SOHLH2: variants seen among roughly 807,000 people sequenced by gnomAD.
SOHLH2 encodes spermatogenesis- and oogenesis-specific basic helix-loop-helix-containing protein 2.
Under a neutral mutation model 50.4 loss-of-function variants are expected in SOHLH2, and 22 were observed. That is an observed-to-expected ratio of 0.44 (90% CI 0.31 to 0.62). The LOEUF is 0.62. Among genes scored for constraint, SOHLH2 ranks in the 20% least tolerant of loss-of-function variants. The pLI is 0.08. For synonymous variants in SOHLH2, 185 were observed against 187.3 expected, an observed-to-expected ratio of 0.99 and a Z score of 0.10; for missense variants, 412 against 504.4, an observed-to-expected ratio of 0.82 and a Z score of 1.76.
intron 1 of SOHLH2, among the ~76,000 whole-genome samples, chr13:36,205,381 T>C (rs755270654): frequency 6.6e-6 from 1 of 152,186 alleles, no homozygotes; most frequent in South Asian, 2.1e-4. Context: ...TACTACTAAA[T>C]ATGATACTTA....
intron 2 of SOHLH2, among the ~76,000 whole-genome samples, chr13:36,197,012 T>C (rs764504357): frequency 1.3e-5 from 2 of 152,222 alleles, no homozygotes; most frequent in Non-Finnish European, 1.5e-5. Context: ...TTCTCTTTTT[T>C]TGTGAATGAA....
intron 1 of SOHLH2, among the ~76,000 whole-genome samples, chr13:36,207,610 A>G (rs1338211713): frequency 6.6e-6 from 1 of 152,218 alleles, no homozygotes; most frequent in Non-Finnish European, 1.5e-5. Flanking sequence ...ACTATTAGCT[A>G]AACTACAGAC....
chr13:36,183,577 G>T (rs1197556894), intron 6 of SOHLH2, among the ~76,000 whole-genome samples: 4 of 151,982 alleles, frequency 2.6e-5, no homozygotes, highest in South Asian at 2.1e-4. Context: ...AACACAAATA[G>T]AAAAATTGTG....
In SOHLH2 at chr13:36,170,590, G is replaced by C; in HGVS notation, c.1198C>G (p.Leu400Val). 1.2e-6 allele frequency: 2 copies of C among 1,614,208 alleles called. No homozygotes were observed. Among genetic ancestry groups the C allele is most frequent in the Non-Finnish European group, 1.7e-6 (2 of 1,180,018 alleles). The change falls in exon 10 of 11, where the codon CTC becomes GTC. Residue 400 changes from leucine (L) to valine (V), a missense_variant. Physicochemically the swap from Leu to Val is conservative, Grantham distance 32. Coordinates refer to ENST00000379881, the MANE Select transcript of SOHLH2 (RefSeq NM_017826.3). Reference sequence around the variant, plus strand: ...AACCCAGAAGTGCAGTGCCGAGGGAGAAGCTTTGAGACCGGGGGCATGGCT... The same window carrying C: ...AACCCAGAAGTGCAGTGCCGAGGGACAAGCTTTGAGACCGGGGGCATGGCT... ...PSAMPPVSKLLPRHCTSGLGQ... is the reference protein window; with the variant it reads ...PSAMPPVSKLVPRHCTSGLGQ...
At chr13:36,186,669 G>A (rs923956841) in intron 6 of SOHLH2, among the ~76,000 whole-genome samples, 1 of 152,066 alleles carries the variant, frequency 6.6e-6, no homozygotes, top group African/African-American at 2.4e-5. Context: ...ATCATTTGGA[G>A]AATACACACT....
At chr13:36,184,796 G>C (rs9546627) in intron 6 of SOHLH2, among the ~76,000 whole-genome samples, 10 of 152,156 alleles carry the variant, frequency 6.6e-5, no homozygotes, top group Non-Finnish European at 1.5e-4. Flanking sequence ...TACATGTGCA[G>C]AACGTGTAGG....
chr13:36,201,996 G>A lies in SOHLH2; in HGVS notation c.146C>T (p.Thr49Ile). 1 of 1,614,204 alleles carries A rather than the reference G, an allele frequency of 6.2e-7. No homozygotes were observed. The highest frequency in any genetic ancestry group is 8.5e-7 in the Non-Finnish European group (1 of 1,180,042). The change falls in exon 2 of 11, where the codon ACC becomes ATC. Residue 49 changes from threonine to isoleucine, a missense_variant. Physicochemically the swap from Thr to Ile is moderately conservative, Grantham distance 89. Transcript: ENST00000379881. ...TGCTGCCTCCTTCGTGTCACTGATG[G>A]TGATGGTGACTTCTGCTATGTTTGC... Reference protein sequence around the residue: ...LFANIAEVTITISDTKEAAAL... With the variant: ...LFANIAEVTIIISDTKEAAAL...
chr13:36,168,792 C>G lies in SOHLH2; in HGVS notation c.*242G>C. The stretch of plus-strand genomic sequence containing the variant: ...ACTGAGGCCATTTGTTCTTGTAGCT[C>G]TCTGGCTGGCGGGGATCCAAGTGTG... On this transcript the variant is annotated 3_prime_UTR_variant, in exon 11 of 11. Coordinates refer to ENST00000379881, the MANE Select transcript of SOHLH2 (RefSeq NM_017826.3). 2.0e-6 allele frequency: 1 copy of G among 492,754 alleles called. No homozygotes were observed. The allele number at this position is 492,754 out of a possible 1,614,324, so 30.5% of individuals were successfully genotyped here.
At chr13:36,169,731 T>C (rs1886910979) in intron 10 of SOHLH2, among the ~76,000 whole-genome samples, 1 of 152,232 alleles carries the variant, frequency 6.6e-6, no homozygotes, top group Admixed American at 6.5e-5. Context: ...GACTGTTTCA[T>C]ATGCTGACCC....
chr13:36,179,358 T>C (rs1042755778), intron 6 of SOHLH2, among the ~76,000 whole-genome samples: 6 of 152,206 alleles, frequency 3.9e-5, no homozygotes, highest in African/African-American at 1.2e-4. Context: ...TTTTCAGAAT[T>C]TGTTAATCAC....
intron 10 of SOHLH2, among the ~76,000 whole-genome samples, chr13:36,170,047 T>C (rs572514924): frequency 1.3e-5 from 2 of 152,312 alleles, no homozygotes; most frequent in East Asian, 3.9e-4. Flanking sequence ...TAATGGGTGC[T>C]CAGTAAATAT....
intron 1 of SOHLH2, among the ~76,000 whole-genome samples, chr13:36,211,381 A>G (rs900806727): frequency 6.6e-6 from 1 of 152,152 alleles, no homozygotes; most frequent in Non-Finnish European, 1.5e-5. Context: ...CTCCATAGAT[A>G]TTTATTGAGC....
chr13:36,182,119 G>C lies in SOHLH2; in HGVS notation c.642-7250C>G, dbSNP rs1021866564. 4 of 985,252 alleles carry C rather than the reference G, an allele frequency of 4.1e-6. No individual in the cohort carries two copies. In the African/African-American group the frequency reaches 5.2e-5, roughly 13 times the overall value. 61.0% of individuals were successfully genotyped at this position (985,252 alleles called of 1,614,324 possible). ...TTTCTACTACAGAGGCAAGAAAAAA[G>C]TGTCCTTGTACTTTATGTCCCTTTG... On this transcript the variant is annotated intron_variant, in intron 6 of 10. Transcript: ENST00000379881.
intron 4 of SOHLH2, among the ~76,000 whole-genome samples, chr13:36,192,682 T>C (rs1236686446): frequency 1.3e-5 from 2 of 152,212 alleles, no homozygotes; most frequent in African/African-American, 4.8e-5. Context: ...ATTTAAGGTG[T>C]ACAACTTGAG....
intron 2 of SOHLH2, among the ~76,000 whole-genome samples, chr13:36,201,110 C>T (rs1003894274): frequency 9.8e-5 from 14 of 143,570 alleles, no homozygotes; most frequent in East Asian, 2.0e-4. Flanking sequence ...AACTGCAAGA[C>T]GAAACAAGAA....
rs1489784506 is a variant in SOHLH2, at chr13:36,174,512, A to G, written c.845T>C (p.Ile282Thr). 6.2e-7 allele frequency: 1 copy of G among 1,614,200 alleles called. No homozygotes were observed. The highest frequency in any genetic ancestry group is 1.7e-5 in the Admixed American group (1 of 60,016). The change falls in exon 8 of 11, where the codon ATT becomes ACT. Residue 282 changes from isoleucine (I) to threonine (T), a missense_variant. Transcript: ENST00000379881. The part of the protein sequence containing the change: ...MRFCKKQQTP[I>T]ELSLPGTVMA... ...GACAGTGCCTGGGAGAGACAGCTCAATGGGTGTTTGTTGTTTCTTACAAAA... is the reference window on the plus strand; with the variant it reads ...GACAGTGCCTGGGAGAGACAGCTCAGTGGGTGTTTGTTGTTTCTTACAAAA...
Position 36,191,814 on chromosome 13 carries a change from G to A in SOHLH2, c.511C>T (p.Pro171Ser), listed in dbSNP as rs1477306063. ...ACTAACCAGGCAAATAGATCAGTAG[G>A]AAAATATCCCAGGTGTTCGCTGTAG... ...RSYSEHLGYFPTDLFACSESL... is the reference protein window; with the variant it reads ...RSYSEHLGYFSTDLFACSESL... Residue 171 changes from proline to serine, a missense_variant, in exon 5 of 11, where the codon CCT (proline) becomes TCT (serine). Pro to Ser is a moderately conservative substitution (Grantham distance 74). Coordinates refer to ENST00000379881, the MANE Select transcript of SOHLH2 (RefSeq NM_017826.3). The A allele has an allele frequency of 1.2e-6, 2 of 1,613,876 alleles. No individual in the cohort carries two copies. Among genetic ancestry groups the A allele is most frequent in the Non-Finnish European group, 1.7e-6 (2 of 1,179,822 alleles).
At chr13:36,209,117 T>C (rs1019604286) in intron 1 of SOHLH2, among the ~76,000 whole-genome samples, 3 of 152,202 alleles carry the variant, frequency 2.0e-5, no homozygotes, top group Non-Finnish European at 2.9e-5. Flanking sequence ...ATGTCTTAAA[T>C]TGATCCTACA....
chr13:36,204,916 G>C (rs1304535735), intron 1 of SOHLH2, among the ~76,000 whole-genome samples: 1 of 151,648 alleles, frequency 6.6e-6, no homozygotes, highest in Non-Finnish European at 1.5e-5. Flanking sequence ...AGAGAATTTG[G>C]GTCTATTATG....
Sources: gnomAD v4.1 joint callset for allele counts (sites outside exome capture counted in the v4.1 genomes callset) on GRCh38, gnomAD v4.1.1 for gene constraint, MANE v1.5 for transcripts, NCBI Gene and HGNC (gene_info 2026-07-23, HGNC 2026-07-21) for gene names.